Variants in SSU72 observed in about 807,000 individuals in gnomAD.
The protein encoded by SSU72 is SSU72 homolog, RNA polymerase II CTD phosphatase, also known as RNA polymerase II subunit A C-terminal domain phosphatase SSU72.
In SSU72, 12 loss-of-function variants were observed where a neutral mutation model predicts 22.7. The ratio of observed to expected loss-of-function variants is 0.53; its 90% CI spans 0.34 to 0.86. SSU72 has a LOEUF of 0.86. SSU72 is among the 40% of genes least tolerant of loss of function. The pLI is 0.02. For synonymous variants in SSU72, 116 were observed against 98.3 expected (o/e 1.18, Z -1.06); for missense variants, 151 against 249.8 (o/e 0.60, Z 2.67).
At chr1:1,559,976 C>T (rs1274111571) in intron 2 of SSU72, among the ~76,000 whole-genome samples, 2 of 152,154 alleles carry the variant, frequency 1.3e-5, no homozygotes, top group Admixed American at 6.6e-5. Flanking sequence ...CCGCCCACCT[C>T]GGCCTCCCAA....
At chr1:1,568,645 C>CG (rs1642691122) in intron 1 of SSU72, among the ~76,000 whole-genome samples, 1 of 151,966 alleles carries the variant, frequency 6.6e-6, no homozygotes, top group Admixed American at 6.6e-5. Context: ...AGCCATCAGG[C>CG]GGGGCATGGT....
In SSU72 at chr1:1,542,698, A is replaced by G. The variant is rs542950759; in HGVS notation, c.484-531T>C. Among the ~76,000 whole-genome samples, 64 of 152,108 alleles carry G rather than the reference A, an allele frequency of 4.2e-4. No homozygotes were observed. Among genetic ancestry groups the G allele is most frequent in the Non-Finnish European group, 8.5e-4 (58 of 68,016 alleles). ...TGTCCCCTGGTCCCCAGCCTTGGCC[A>G]GCACCCAGTGCCTCTAAGCAAGGAG... On this transcript the variant is annotated intron_variant, in intron 4 of 4. Coordinates refer to ENST00000291386, the MANE Select transcript of SSU72 (RefSeq NM_014188.3). This position sits in a 1 kb window ranked among gnomAD's most constrained non-coding sequence, Gnocchi z 4.4.
chr1:1,561,933 CA>C (rs1642598516), intron 2 of SSU72: 1 of 152,602 alleles, frequency 6.6e-6, no homozygotes, highest in Non-Finnish European at 1.5e-5. Context: ...TTCCCCCCAC[CA>C]CACACCAAGA....
chr1:1,566,650 A>C (rs1271757362), intron 1 of SSU72, among the ~76,000 whole-genome samples: 1 of 152,178 alleles, frequency 6.6e-6, no homozygotes, highest in East Asian at 1.9e-4. Context: ...CAGGAGATCA[A>C]GACCAGCCTG....
intron 2 of SSU72, chr1:1,564,323 CTTT>C (rs933819840): frequency 8.3e-5 from 57 of 686,686 alleles, no homozygotes; most frequent in Middle Eastern, 4.2e-4. Context: ...CCGCCCTCTT[CTTT>C]ATCTGACCTT....
Position 1,574,607 on chromosome 1 carries a change from C to A in SSU72, c.-50G>T, listed in dbSNP as rs974594009. ...TCTCCCGCTTGGGTTCCCACCCTACCGCGGCGCTTCCGCGCGAACAAAATG... is the reference window on the plus strand; with the variant it reads ...TCTCCCGCTTGGGTTCCCACCCTACAGCGGCGCTTCCGCGCGAACAAAATG... On this transcript the variant is annotated 5_prime_UTR_variant, in exon 1 of 5. Coordinates refer to ENST00000291386, the MANE Select transcript of SSU72 (RefSeq NM_014188.3). The A allele has an allele frequency of 1.4e-5, 21 of 1,523,172 alleles. No homozygotes were observed. The highest frequency in any genetic ancestry group is 1.8e-4 in the Middle Eastern group (1 of 5,642). 94.4% of individuals were successfully genotyped at this position (1,523,172 alleles called of 1,614,324 possible). A position where few individuals can be genotyped will look rare whatever the true frequency, so the allele number is the denominator to read the frequency against.
Position 1,544,899 on chromosome 1 carries a change from T to C in SSU72, c.328A>G (p.Thr110Ala). The C allele has an allele frequency of 3.1e-6, 5 of 1,614,178 alleles. No individual in the cohort carries two copies. The highest frequency in any genetic ancestry group is 4.2e-6 in the Non-Finnish European group (5 of 1,180,034). The stretch of plus-strand genomic sequence containing the variant: ...TGGTCATACACTCTCTCTTCGCAAG[T>C]GAGGATCAGATCAAACAGGTCTTTG... Reference protein sequence around the residue: ...NCKDLFDLILTCEERVYDQVV... With the variant: ...NCKDLFDLILACEERVYDQVV... The change falls in exon 3 of 5, where the codon ACT (threonine) becomes GCT (alanine). Residue 110 changes from threonine (T) to alanine (A), a missense_variant. Transcript: ENST00000291386.
chr1:1,548,520 C>T (rs1190240779), intron 2 of SSU72, among the ~76,000 whole-genome samples: 1 of 149,386 alleles, frequency 6.7e-6, no homozygotes, highest in African/African-American at 2.5e-5. Context: ...TGCCACTGCA[C>T]TCTGGCCTCG....
chr1:1,572,881 G>A (rs540964613), intron 1 of SSU72, among the ~76,000 whole-genome samples: 2 of 144,254 alleles, frequency 1.4e-5, no homozygotes, highest in Admixed American at 1.4e-4. Flanking sequence ...TTGTCTTGGG[G>A]GGGGGGGGGT....
chr1:1,563,614 G>C (rs573339705), intron 2 of SSU72: 3 of 152,210 alleles, frequency 2.0e-5, no homozygotes, highest in Admixed American at 2.0e-4. Context: ...CACTTTGGGA[G>C]GACGAGGAGG....
intron 4 of SSU72, 81 bp downstream of exon 4, chr1:1,543,788 G>A (rs571183726): frequency 2.9e-5 from 34 of 1,163,272 alleles, no homozygotes; most frequent in South Asian, 2.5e-4. Context: ...TCACGGCCTC[G>A]GCCACTCCCC....
At position 1,574,558 on chromosome 1, in the gene SSU72, G is replaced by A. The variant is rs753525859; in HGVS notation, c.-1C>T. On this transcript the variant is annotated 5_prime_UTR_variant, in exon 1 of 5. Coordinates refer to ENST00000291386, the MANE Select transcript of SSU72 (RefSeq NM_014188.3). ...CCACCCGCAGCGGGGACGACGGCAT[G>A]GCGGCGGCCGCAAATCCCGCGGCTC... The A allele has an allele frequency of 1.3e-6, 2 of 1,585,144 alleles. No homozygotes were observed. The highest frequency in any genetic ancestry group is 1.7e-5 in the Admixed American group (1 of 57,442).
chr1:1,567,829 C>T (rs1225059493), intron 1 of SSU72, among the ~76,000 whole-genome samples: 2 of 150,572 alleles, frequency 1.3e-5, no homozygotes, highest in African/African-American at 2.4e-5. Context: ...AGGAGAATTG[C>T]GTGAACCCCG....
At chr1:1,561,101 T>C (rs1003962040) in intron 2 of SSU72, 3 of 152,252 alleles carry the variant, frequency 2.0e-5, no homozygotes, top group Admixed American at 1.3e-4. Flanking sequence ...TTTTATTTTT[T>C]TGAGACAGAG....
chr1:1,542,681 G>A lies in SSU72; in HGVS notation c.484-514C>T, dbSNP rs1481856712. Among the ~76,000 whole-genome samples, 1 of 152,086 alleles carries A rather than the reference G, an allele frequency of 6.6e-6. No individual in the cohort carries two copies. Among genetic ancestry groups the A allele is most frequent in the Non-Finnish European group, 1.5e-5 (1 of 68,026 alleles). On this transcript the variant is annotated intron_variant, in intron 4 of 4. Coordinates refer to ENST00000291386, the MANE Select transcript of SSU72 (RefSeq NM_014188.3). This position sits in a 1 kb window ranked among gnomAD's most constrained non-coding sequence, Gnocchi z 4.4. Reference sequence around the variant, plus strand: ...TTACTCGCCATCTCCACTGTCCCCTGGTCCCCAGCCTTGGCCAGCACCCAG... The same window carrying A: ...TTACTCGCCATCTCCACTGTCCCCTAGTCCCCAGCCTTGGCCAGCACCCAG...
chr1:1,556,401 G>A (rs151113945), intron 2 of SSU72, among the ~76,000 whole-genome samples: 210 of 152,208 alleles, frequency 1.4e-3, no homozygotes, highest in African/African-American at 4.8e-3. Flanking sequence ...TTAGCCGGAC[G>A]TGGTGGGGGG....
intron 1 of SSU72, among the ~76,000 whole-genome samples, chr1:1,568,116 A>G (rs1244458875): frequency 6.6e-6 from 1 of 152,196 alleles, no homozygotes; most frequent in East Asian, 1.9e-4. Flanking sequence ...TAGCAACAGA[A>G]GCAGTATTTC....
chr1:1,552,206 C>A (rs1363297656), intron 2 of SSU72, among the ~76,000 whole-genome samples: 1 of 152,176 alleles, frequency 6.6e-6, no homozygotes, highest in African/African-American at 2.4e-5. Flanking sequence ...CTCAACGGCA[C>A]CTGCACAGGG....
intron 2 of SSU72, among the ~76,000 whole-genome samples, chr1:1,549,592 A>G (rs1258893198): frequency 1.3e-5 from 2 of 151,048 alleles, no homozygotes; most frequent in East Asian, 4.0e-4. Context: ...TAATCCCACC[A>G]CTTTGGGAGG....
Sources: allele counts gnomAD v4.1 joint callset (sites outside exome capture counted in the v4.1 genomes callset), GRCh38; gene constraint gnomAD v4.1.1; non-coding constraint Gnocchi (gnomAD v3.1); transcripts MANE v1.5; gene names NCBI Gene and HGNC (gene_info 2026-07-23, HGNC 2026-07-21).